The following GALNT17 variants were observed in gnomAD, a reference collection of about 807,000 sequenced individuals.
The protein encoded by GALNT17 is polypeptide N-acetylgalactosaminyltransferase 17, also known as UDP-GalNAc:polypeptide N-acetylgalactosaminyltransferase-like 3.
GALNT17 carries 29 observed loss-of-function variants against 63.7 expected under a neutral mutation model. That is an observed-to-expected ratio of 0.46 (90% CI 0.34 to 0.62). GALNT17 has a LOEUF of 0.62. GALNT17 is among the 20% of genes least tolerant of loss of function. The probability of loss-of-function intolerance (pLI) is 0.01; values close to 1 mark genes in which losing one functional copy is unlikely to be tolerated. For missense variants in GALNT17, 603 were observed against 799.6 expected (o/e 0.75, Z 2.97); for synonymous variants, 305 against 318.3 (o/e 0.96, Z 0.45).
chr7:71,514,660 A>G (rs1158981096), intron 5 of GALNT17, among the ~76,000 whole-genome samples: 1 of 152,144 alleles, frequency 6.6e-6, no homozygotes, highest in African/African-American at 2.4e-5. Flanking sequence ...ATGTGTTCTA[A>G]TCTTAATTCC....
intron 1 of GALNT17, among the ~76,000 whole-genome samples, chr7:71,137,448 T>C (rs1391184036): frequency 1.3e-5 from 2 of 152,100 alleles, no homozygotes; most frequent in Non-Finnish European, 2.9e-5. Context: ...CATTTTGGAC[T>C]TTTAATACCA....
chr7:71,582,091 A>G (rs1370114465), intron 6 of GALNT17, among the ~76,000 whole-genome samples: 1 of 152,160 alleles, frequency 6.6e-6, no homozygotes, highest in Non-Finnish European at 1.5e-5. Context: ...GAAAAACAGT[A>G]TGGAGATTCC....
At chr7:71,356,205 T>C (rs1194468171) in intron 2 of GALNT17, among the ~76,000 whole-genome samples, 1 of 152,176 alleles carries the variant, frequency 6.6e-6, no homozygotes, top group African/African-American at 2.4e-5. Context: ...CTCAAACTCC[T>C]GTCCTCAAAT....
At chr7:71,566,386 A>G (rs1169768343) in intron 5 of GALNT17, among the ~76,000 whole-genome samples, 1 of 152,116 alleles carries the variant, frequency 6.6e-6, no homozygotes. Flanking sequence ...GGTCTTCACT[A>G]CACACTCTTG....
intron 2 of GALNT17, among the ~76,000 whole-genome samples, chr7:71,346,465 C>T (rs996385418): frequency 2.0e-5 from 3 of 151,958 alleles, no homozygotes; most frequent in Non-Finnish European, 2.9e-5. Context: ...TTTAACTGCT[C>T]TCTGAAATAG....
At chr7:71,700,065 G>T (rs1791607691) in intron 9 of GALNT17, among the ~76,000 whole-genome samples, 1 of 151,908 alleles carries the variant, frequency 6.6e-6, no homozygotes, top group African/African-American at 2.4e-5. Context: ...GCCAAGGCGG[G>T]CAGATCACTT....
intron 5 of GALNT17, among the ~76,000 whole-genome samples, chr7:71,452,151 G>A (rs1787273814): frequency 6.6e-6 from 1 of 152,146 alleles, no homozygotes; most frequent in Non-Finnish European, 1.5e-5. Flanking sequence ...TCTGAGATGG[G>A]AGGATCACTT....
intron 9 of GALNT17, among the ~76,000 whole-genome samples, chr7:71,698,301 T>G (rs1791576250): frequency 6.6e-6 from 1 of 151,908 alleles, no homozygotes; most frequent in South Asian, 2.1e-4. Context: ...AAAAGGAAAA[T>G]GACTGCAGAA....
intron 1 of GALNT17, among the ~76,000 whole-genome samples, chr7:71,275,319 A>C (rs1174478392): frequency 2.6e-5 from 4 of 152,158 alleles, no homozygotes; most frequent in African/African-American, 9.7e-5. Context: ...TAATCTCAGC[A>C]CTTCGGGAGG....
intron 6 of GALNT17, among the ~76,000 whole-genome samples, chr7:71,654,008 A>C (rs1218537483): frequency 6.6e-6 from 1 of 152,080 alleles, no homozygotes; most frequent in Non-Finnish European, 1.5e-5. Flanking sequence ...CTAAGATGTT[A>C]TCTTATTTTT....
chr7:71,268,812 T>C (rs1790536222), intron 1 of GALNT17, among the ~76,000 whole-genome samples: 1 of 151,776 alleles, frequency 6.6e-6, no homozygotes, highest in Admixed American at 6.6e-5. Context: ...CTGTCTCCTG[T>C]CTCCTGCTTG....
intron 1 of GALNT17, among the ~76,000 whole-genome samples, chr7:71,260,984 C>G (rs1790374829): frequency 6.6e-6 from 1 of 152,132 alleles, no homozygotes; most frequent in Non-Finnish European, 1.5e-5. Flanking sequence ...AGATGACATC[C>G]TATTGATCGT....
chr7:71,464,363 G>C (rs1787501505), intron 5 of GALNT17, among the ~76,000 whole-genome samples: 2 of 152,182 alleles, frequency 1.3e-5, no homozygotes, highest in Non-Finnish European at 2.9e-5. Flanking sequence ...TCAAGGCCTA[G>C]TAGATAAGTG....
chr7:71,525,366 TG>T (rs1407391429), intron 5 of GALNT17, among the ~76,000 whole-genome samples: 1 of 151,928 alleles, frequency 6.6e-6, no homozygotes, highest in Non-Finnish European at 1.5e-5. Context: ...TGTTTGTTTT[TG>T]TTTTTGTTTT....
chr7:71,367,233 A>G (rs967698783), intron 2 of GALNT17, among the ~76,000 whole-genome samples: 36 of 152,116 alleles, frequency 2.4e-4, no homozygotes, highest in Admixed American at 2.0e-3. Context: ...CTTCTTCCTT[A>G]TAGGCTTCTG....
chr7:71,230,798 T>A (rs1789774049), intron 1 of GALNT17, among the ~76,000 whole-genome samples: 1 of 151,770 alleles, frequency 6.6e-6, no homozygotes, highest in Non-Finnish European at 1.5e-5. Flanking sequence ...TGCTGGGGAG[T>A]CCGCCTTGGT....
intron 5 of GALNT17, among the ~76,000 whole-genome samples, chr7:71,547,602 A>G (rs750328315): frequency 4.7e-4 from 71 of 152,088 alleles, no homozygotes; most frequent in Non-Finnish European, 9.3e-4. Context: ...TTCTGTTTCA[A>G]ACTTAAGCCC....
At chr7:71,469,471 A>G (rs1327482118) in intron 5 of GALNT17, among the ~76,000 whole-genome samples, 1 of 152,196 alleles carries the variant, frequency 6.6e-6, no homozygotes, top group Non-Finnish European at 1.5e-5. Context: ...GTTCAGAGAG[A>G]CTCTGTCGCA....
intron 2 of GALNT17, among the ~76,000 whole-genome samples, chr7:71,363,564 T>C (rs1199662090): frequency 6.6e-6 from 1 of 152,236 alleles, no homozygotes; most frequent in Non-Finnish European, 1.5e-5. Context: ...CTTGGAATTC[T>C]GCTCCATTCT....
Sources: gnomAD v4.1 joint callset for allele counts (sites outside exome capture counted in the v4.1 genomes callset) on GRCh38, gnomAD v4.1.1 for gene constraint, MANE v1.5 for transcripts, NCBI Gene and HGNC (gene_info 2026-07-23, HGNC 2026-07-21) for gene names.